CCM2L: variants seen among roughly 807,000 people sequenced by gnomAD.
The protein encoded by CCM2L is CCM2 like scaffold protein.
Under a neutral mutation model 54.1 loss-of-function variants are expected in CCM2L, and 36 were observed. The ratio of observed to expected loss-of-function variants is 0.67; its 90% confidence interval spans 0.51 to 0.88. The LOEUF (loss-of-function observed/expected upper bound fraction) is 0.88, where lower values mean the gene tolerates loss of function less well. Among genes scored for constraint, CCM2L ranks in the 40% least tolerant of loss-of-function variants. The pLI, the probability that CCM2L is intolerant of heterozygous loss-of-function variation, is 0.00. For synonymous variants in CCM2L, 351 were observed against 359.3 expected, an observed-to-expected ratio of 0.98 and a Z score of 0.26; for missense variants, 700 against 812.1, an observed-to-expected ratio of 0.86 and a Z score of 1.68.
At chr20:32,020,480 A>T (rs1472593453) in intron 5 of CCM2L, among the ~76,000 whole-genome samples, 4 of 152,154 alleles carry the variant, frequency 2.6e-5, no homozygotes, top group Admixed American at 1.3e-4. Flanking sequence ...GGTGATCTGC[A>T]TCTGAAGATC....
At chr20:32,017,623 G>C (rs2064750936) in intron 2 of CCM2L, among the ~76,000 whole-genome samples, 177 bp from the exon 3 acceptor site, 3 of 152,174 alleles carry the variant, frequency 2.0e-5, no homozygotes, top group Non-Finnish European at 4.4e-5. Context: ...AATATATAGA[G>C]AGCGCTCAGA....
chr20:32,020,225 CAGT>C lies in CCM2L; in HGVS notation c.933+817_933+819del, dbSNP rs1410530528. 7.2e-5 allele frequency among the ~76,000 whole-genome samples: 11 copies of C among 152,318 alleles called. No individual in the cohort carries two copies. The East Asian group carries it at 2.1e-3, about 29-fold the overall frequency. On this transcript the variant is annotated intron_variant, in intron 5 of 9. Coordinates refer to ENST00000452892, the MANE Select transcript of CCM2L (RefSeq NM_001365692.1). ...ACCACCAGATCCCTCCGTATAAAAACAGTGGTGAATGAAACAGACATAGTTCCT... is the reference window on the plus strand; with the variant it reads ...ACCACCAGATCCCTCCGTATAAAAACGGTGAATGAAACAGACATAGTTCCT...
intron 6 of CCM2L, among the ~76,000 whole-genome samples, chr20:32,025,467 T>C (rs2064850205): frequency 6.6e-6 from 1 of 152,132 alleles, no homozygotes; most frequent in African/African-American, 2.4e-5. Context: ...AAGGTCGCTC[T>C]ATGTTGTCCA....
rs1408893116 is a variant in CCM2L at position 32,014,129 on chromosome 20, T to C, written c.31-775T>C. 7.2e-5 allele frequency among the ~76,000 whole-genome samples: 11 copies of C among 151,832 alleles called. No individual in the cohort carries two copies. The South Asian group carries it at 2.3e-3, about 32-fold the overall frequency. Reference sequence around the variant, plus strand: ...TGTACTTATTAATAATTTATAACTTTTAGGAAAGCACAGAGAATAGCCTAA... The same window carrying C: ...TGTACTTATTAATAATTTATAACTTCTAGGAAAGCACAGAGAATAGCCTAA... On this transcript the variant is annotated intron_variant, in intron 1 of 9. Coordinates refer to ENST00000452892, the MANE Select transcript of CCM2L (RefSeq NM_001365692.1).
At chr20:32,015,102 C>T in intron 2 of CCM2L, 31 bp downstream of exon 2, 1 of 1,456,642 alleles carries the variant, frequency 6.9e-7, no homozygotes, top group Non-Finnish European at 9.1e-7. Flanking sequence ...GGTGGGAAAA[C>T]CTTGGGGTGA....
In CCM2L at chr20:32,012,826, T is replaced by C. The variant is rs2064705635; in HGVS notation, c.31-2078T>C. The stretch of plus-strand genomic sequence containing the variant: ...CTGAATGAATGAGTAAATGAACAGA[T>C]GTATTTGTGGACTTGTGTTCTGTTT... On this transcript the variant is annotated intron_variant, in intron 1 of 9. Transcript: ENST00000452892. 2.0e-5 allele frequency among the ~76,000 whole-genome samples: 3 copies of C among 152,300 alleles called. No homozygotes were observed. In the East Asian group the frequency reaches 5.8e-4, roughly 29 times the overall value.
At chr20:32,030,774 A>G (rs1021816929) in intron 9 of CCM2L, among the ~76,000 whole-genome samples, 8 of 151,128 alleles carry the variant, frequency 5.3e-5, no homozygotes, top group Non-Finnish European at 1.2e-4. Context: ...GGCAGAGGCT[A>G]TAATAATAAT....
chr20:32,017,958 G>C (rs948504892), intron 3 of CCM2L, 21 bp from the exon 4 acceptor site: 2 of 1,613,280 alleles, frequency 1.2e-6, no homozygotes, highest in Non-Finnish European at 1.7e-6. Context: ...TCGGGAACTC[G>C]AGATCTGCCC....
chr20:32,019,014 C>G lies in CCM2L; in HGVS notation c.538C>G (p.Pro180Ala). 7.5e-7 allele frequency: 1 copy of G among 1,334,428 alleles called. No homozygotes were observed. The highest frequency in any genetic ancestry group is 9.5e-7 in the Non-Finnish European group (1 of 1,051,128). The allele number at this position is 1,334,428 out of a possible 1,614,324, so 82.7% of individuals were successfully genotyped here. A position where few individuals can be genotyped will look rare whatever the true frequency, so the allele number is the denominator to read the frequency against. ...PGGAGRDPGPPGGAPEKRRVG... is the reference protein window; with the variant it reads ...PGGAGRDPGPAGGAPEKRRVG... ...CGGCGCAGGACGCGACCCCGGCCCGCCAGGCGGGGCGCCCGAGAAGCGGCG... is the reference window on the plus strand; with the variant it reads ...CGGCGCAGGACGCGACCCCGGCCCGGCAGGCGGGGCGCCCGAGAAGCGGCG... Residue 180 changes from proline (P) to alanine (A), a missense_variant, in exon 5 of 10, where the codon CCA becomes GCA. Coordinates refer to ENST00000452892, the MANE Select transcript of CCM2L (RefSeq NM_001365692.1).
chr20:32,015,033 C>T lies in CCM2L; in HGVS notation c.160C>T (p.Gln54Ter), dbSNP rs1356545069. The T allele has an allele frequency of 6.5e-7, 1 of 1,547,052 alleles. No individual in the cohort carries two copies. The highest frequency in any genetic ancestry group is 8.7e-7 in the Non-Finnish European group (1 of 1,149,906). ...TCCCCCCGACTACCTCATCGACCCC[C>T]AGATTCTGCTGTGTGACTACCTGGA... ...LYPPDYLIDPQILLCDYLEKE... is the reference protein window; with the variant it reads ...LYPPDYLIDP Residue 54 changes from glutamine (Q) to a stop codon, truncating the protein, a stop_gained, in exon 2 of 10, where the codon CAG becomes TAG. Coordinates refer to ENST00000452892, the MANE Select transcript of CCM2L (RefSeq NM_001365692.1). LOFTEE classifies it high-confidence loss of function.
In CCM2L at chr20:32,031,432, C is replaced by A. The variant is rs1014020350; in HGVS notation, c.*118C>A. 1.7e-5 allele frequency: 14 copies of A among 846,090 alleles called. No individual in the cohort carries two copies. The highest frequency in any genetic ancestry group is 2.2e-5 in the Non-Finnish European group (14 of 629,438). The allele number at this position is 846,090 out of a possible 1,614,324, so 52.4% of individuals were successfully genotyped here. On this transcript the variant is annotated 3_prime_UTR_variant, in exon 10 of 10. Transcript: ENST00000452892. ...CTGGCGGGGCCGGGGGGTCTTCACT[C>A]CAGGGTCTCGCTCCCTGCCCTTGGG... is the stretch of plus-strand genomic sequence containing the variant.
intron 5 of CCM2L, among the ~76,000 whole-genome samples, chr20:32,021,164 C>T (rs2064803736): frequency 6.6e-6 from 1 of 152,198 alleles, no homozygotes; most frequent in African/African-American, 2.4e-5. Flanking sequence ...CACTACTCCA[C>T]ATCTTCCAGT....
At chr20:32,029,667 T>A (rs1355771664) in intron 8 of CCM2L, 33 bp from the exon 9 acceptor site, 1 of 1,574,412 alleles carries the variant, frequency 6.4e-7, no homozygotes, top group African/African-American at 1.4e-5. Context: ...CGCTGCTTCC[T>A]GGGATTGATC....
Position 32,031,014 on chromosome 20 carries a change from C to A in CCM2L, c.1416C>A (p.Phe472Leu). ...RKFLLLGMRP[F>L]IPDQDIGYFE... ...CTCGGCTCGCAGGGATGCGGCCCTTCATCCCGGACCAGGACATCGGCTACT... is the reference window on the plus strand; with the variant it reads ...CTCGGCTCGCAGGGATGCGGCCCTTAATCCCGGACCAGGACATCGGCTACT... The change falls in exon 10 of 10, where the codon TTC becomes TTA. Residue 472 changes from phenylalanine to leucine, a missense_variant. Physicochemically the swap from Phe to Leu is conservative, Grantham distance 22. Coordinates refer to ENST00000452892, the MANE Select transcript of CCM2L (RefSeq NM_001365692.1). The A allele has an allele frequency of 1.5e-6, 2 of 1,304,194 alleles. No homozygotes were observed. Among genetic ancestry groups the A allele is most frequent in the Non-Finnish European group, 2.0e-6 (2 of 988,928 alleles). 80.8% of individuals were successfully genotyped at this position (1,304,194 alleles called of 1,614,324 possible). A position where few individuals can be genotyped will look rare whatever the true frequency, so the allele number is the denominator to read the frequency against.
intron 4 of CCM2L, 51 bp from the exon 5 acceptor site, chr20:32,018,892 G>GT: frequency 8.0e-7 from 1 of 1,251,472 alleles, no homozygotes; most frequent in Non-Finnish European, 1.0e-6. Flanking sequence ...CGGGGCGGGG[G>GT]GGTCTCTGAG....
chr20:32,020,169 T>C (rs144649891), intron 5 of CCM2L, among the ~76,000 whole-genome samples: 7 of 152,342 alleles, frequency 4.6e-5, no homozygotes, highest in African/African-American at 1.7e-4. Context: ...CTTCAAGTTC[T>C]GAGCATTCTA....
chr20:32,010,612 T>C (rs2064684882), intron 1 of CCM2L, 128 bp downstream of exon 1: 9 of 865,436 alleles, frequency 1.0e-5, no homozygotes, highest in Non-Finnish European at 1.7e-5. Flanking sequence ...CATTTGGAAG[T>C]AACTTCCTTC....
chr20:32,020,850 G>A (rs1463535722), intron 5 of CCM2L, among the ~76,000 whole-genome samples: 3 of 152,222 alleles, frequency 2.0e-5, no homozygotes, highest in East Asian at 1.9e-4. Flanking sequence ...CAGGCATAGC[G>A]GCGGGTGCCT....
intron 4 of CCM2L, 34 bp downstream of exon 4, chr20:32,018,196 CGGG>C (rs2064758584): frequency 1.0e-4 from 1 of 9,790 alleles, no homozygotes; most frequent in African/African-American, 1.2e-3. Context: ...GGGGGAGGGG[CGGG>C]GGCGGGGGCG....
Sources: allele counts gnomAD v4.1 joint callset (sites outside exome capture counted in the v4.1 genomes callset), GRCh38; gene constraint gnomAD v4.1.1; transcripts MANE v1.5; gene names NCBI Gene and HGNC (gene_info 2026-07-23, HGNC 2026-07-21).